VIPR2: variants seen among roughly 807,000 people sequenced by gnomAD.
The protein encoded by VIPR2 is vasoactive intestinal polypeptide receptor 2.
A neutral mutation model predicts 58.0 loss-of-function variants in VIPR2; 48 were observed. That is an observed-to-expected ratio of 0.83 (90% CI 0.66 to 1.05). VIPR2 has a LOEUF of 1.05. Among genes scored for constraint, VIPR2 ranks in the 50% least tolerant of loss-of-function variants. The pLI is 0.00. For synonymous variants in VIPR2, 243 were observed against 235.2 expected (o/e 1.03, Z -0.30); for missense variants, 534 against 558.0 (o/e 0.96, Z 0.43).
At position 159,058,634 on chromosome 7, in the gene VIPR2, C is replaced by T. The variant is rs74597389; in HGVS notation, c.358-56G>A. The T allele has an allele frequency of 4.5e-3, 5,815 of 1,303,662 alleles. 23 individuals carry two copies. The highest frequency in any genetic ancestry group is 5.9e-3 in the Non-Finnish European group (5,308 of 900,714). The allele number at this position is 1,303,662 out of a possible 1,614,324, so 80.8% of individuals were successfully genotyped here. On this transcript the variant is annotated intron_variant, in intron 4 of 12. Coordinates refer to ENST00000262178, the MANE Select transcript of VIPR2 (RefSeq NM_003382.5). ...GAGGGTGACCAGCAACACCAGACAA[C>T]AGGAATGGTTCCAGGATCCAGCCCT...
intron 6 of VIPR2, among the ~76,000 whole-genome samples, chr7:159,042,591 G>A (rs1025082281): frequency 6.6e-6 from 1 of 152,182 alleles, no homozygotes; most frequent in African/African-American, 2.4e-5. Context: ...GGCTTTACAA[G>A]GAATTTACCC....
chr7:159,101,603 G>A (rs1438710619), intron 4 of VIPR2, among the ~76,000 whole-genome samples: 13 of 112,106 alleles, frequency 1.2e-4, no homozygotes, highest in East Asian at 2.9e-4. Context: ...AGGCGGTTCC[G>A]ACCGTTCCTG....
At position 159,142,538 on chromosome 7, in the gene VIPR2, C is replaced by T. The variant is rs141034085; in HGVS notation, c.59G>A (p.Ser20Asn). The T allele has an allele frequency of 1.2e-6, 2 of 1,606,760 alleles. No homozygotes were observed. The highest frequency in any genetic ancestry group is 1.7e-6 in the Non-Finnish European group (2 of 1,174,628). Residue 20 changes from serine to asparagine, a missense_variant, in exon 2 of 13, where the codon AGC becomes AAC. This residue lies in a region of VIPR2 where 224 missense variants were observed against 255.7 expected (regional missense o/e 0.88). Coordinates refer to ENST00000262178, the MANE Select transcript of VIPR2 (RefSeq NM_003382.5). ...LTCWLLAPVN[S>N]IHPECRFHLE... Reference sequence around the variant, plus strand: ...ATGAAATCGGCATTCTGGGTGAATGCTGTTCACCTGTTCACGGTTAAAAGA... The same window carrying T: ...ATGAAATCGGCATTCTGGGTGAATGTTGTTCACCTGTTCACGGTTAAAAGA...
chr7:159,050,944 A>G (rs1242525213), intron 5 of VIPR2, among the ~76,000 whole-genome samples: 3 of 152,248 alleles, frequency 2.0e-5, no homozygotes, highest in Admixed American at 6.5e-5. Flanking sequence ...AGAAGAGGTC[A>G]CGACGTACAT....
intron 4 of VIPR2, among the ~76,000 whole-genome samples, chr7:159,062,086 G>C (rs529238540): frequency 6.6e-6 from 1 of 152,342 alleles, no homozygotes; most frequent in Non-Finnish European, 1.5e-5. Context: ...GTGGCCATGG[G>C]GCGCCGGCGG....
Position 159,032,037 on chromosome 7 carries a change from G to C in VIPR2, c.1002C>G (p.Ile334Met), listed in dbSNP as rs185570710. The C allele has an allele frequency of 5.8e-5, 94 of 1,614,102 alleles. No individual in the cohort carries two copies. The East Asian group carries it at 2.0e-3, about 35-fold the overall frequency. Reference sequence around the variant, plus strand: ...CCATGTAGTGGACGCCGAACAGCGGGATAAGCAGGAGCGTGGACTTGGCCA... The same window carrying C: ...CCATGTAGTGGACGCCGAACAGCGGCATAAGCAGGAGCGTGGACTTGGCCA... ...KRLAKSTLLLIPLFGVHYMVF... is the reference protein window; with the variant it reads ...KRLAKSTLLLMPLFGVHYMVF... The change falls in exon 11 of 13, where the codon ATC (isoleucine) becomes ATG (methionine). Residue 334 changes from isoleucine (I) to methionine (M), a missense_variant. This residue lies in a region of VIPR2 where 306 missense variants were observed against 285.8 expected (regional missense o/e 1.07). Coordinates refer to ENST00000262178, the MANE Select transcript of VIPR2 (RefSeq NM_003382.5).
chr7:159,100,440 C>G (rs1238311117), intron 4 of VIPR2, among the ~76,000 whole-genome samples: 1 of 151,664 alleles, frequency 6.6e-6, no homozygotes, highest in Non-Finnish European at 1.5e-5. Context: ...ACCTTATCCA[C>G]TGAACACAGT....
At chr7:159,052,500 A>T (rs996237306) in intron 5 of VIPR2, among the ~76,000 whole-genome samples, 1 of 152,214 alleles carries the variant, frequency 6.6e-6, no homozygotes, top group Non-Finnish European at 1.5e-5. Context: ...ATAACATCTT[A>T]TCTAACCTAA....
chr7:159,121,911 G>C (rs1440631537), intron 2 of VIPR2, among the ~76,000 whole-genome samples: 1 of 152,234 alleles, frequency 6.6e-6, no homozygotes, highest in Non-Finnish European at 1.5e-5. Context: ...AATGTGTGGA[G>C]AATGATTAGA....
intron 2 of VIPR2, among the ~76,000 whole-genome samples, chr7:159,133,331 G>C (rs1325356226): frequency 1.3e-5 from 2 of 152,294 alleles, no homozygotes; most frequent in African/African-American, 2.4e-5. Flanking sequence ...CGGACAACAG[G>C]CAACTATGCC....
At chr7:159,138,127 C>T (rs527681471) in intron 2 of VIPR2, among the ~76,000 whole-genome samples, 3 of 152,192 alleles carry the variant, frequency 2.0e-5, no homozygotes, top group Non-Finnish European at 4.4e-5. Context: ...AGGGCAGCAT[C>T]GCAGGGCAGC....
intron 5 of VIPR2, among the ~76,000 whole-genome samples, chr7:159,057,200 C>T (rs895296907): frequency 6.6e-6 from 1 of 152,082 alleles, no homozygotes; most frequent in Non-Finnish European, 1.5e-5. Context: ...TAAAGTTTTC[C>T]TCTTTCTCTT....
chr7:159,038,533 AT>A (rs1163312241), intron 6 of VIPR2, among the ~76,000 whole-genome samples: 1 of 152,164 alleles, frequency 6.6e-6, no homozygotes, highest in Admixed American at 6.5e-5. Context: ...CAGTAAGTCA[AT>A]TTGTGACTTA....
intron 2 of VIPR2, among the ~76,000 whole-genome samples, chr7:159,111,580 T>C (rs749589188): frequency 6.6e-6 from 1 of 151,542 alleles, no homozygotes; most frequent in Non-Finnish European, 1.5e-5. Flanking sequence ...CTCAGGAGGC[T>C]AAGGGAGGAG....
intron 2 of VIPR2, among the ~76,000 whole-genome samples, chr7:159,132,649 G>A (rs36016163): frequency 0.22 from 30,428 of 138,654 alleles, 1,318 homozygotes; most frequent in African/African-American, 0.36. Flanking sequence ...AGTCACAGTG[G>A]CCACAGTGGG....
At chr7:159,076,739 A>G (rs1175918841) in intron 4 of VIPR2, among the ~76,000 whole-genome samples, 1 of 152,218 alleles carries the variant, frequency 6.6e-6, no homozygotes, top group Non-Finnish European at 1.5e-5. Context: ...AAAAACAGGA[A>G]TTTACTCAAA....
intron 4 of VIPR2, among the ~76,000 whole-genome samples, chr7:159,061,211 G>A (rs973149404): frequency 2.7e-4 from 41 of 152,056 alleles, no homozygotes; most frequent in Non-Finnish European, 2.9e-4. Flanking sequence ...AGAAACGGAG[G>A]GGCAAGGGTT....
chr7:159,040,820 G>A (rs1854281759), intron 6 of VIPR2, among the ~76,000 whole-genome samples: 1 of 152,222 alleles, frequency 6.6e-6, no homozygotes, highest in Non-Finnish European at 1.5e-5. Flanking sequence ...AGGACAGCGA[G>A]AGGGAAGACC....
intron 2 of VIPR2, among the ~76,000 whole-genome samples, chr7:159,136,591 C>CTG (rs1338593554): frequency 6.6e-6 from 1 of 152,056 alleles, no homozygotes; most frequent in Admixed American, 6.6e-5. Flanking sequence ...CACTGAGGAG[C>CTG]TGTGTGTGTG....
Sources: gnomAD v4.1 joint callset for allele counts (sites outside exome capture counted in the v4.1 genomes callset) on GRCh38, gnomAD v4.1.1 for gene constraint, gnomAD v4.1.1 regional missense constraint, MANE v1.5 for transcripts, NCBI Gene and HGNC (gene_info 2026-07-23, HGNC 2026-07-21) for gene names.